The following DPP6 variants were observed in gnomAD, a reference collection of about 807,000 sequenced individuals.
The protein encoded by DPP6 is A-type potassium channel modulatory protein DPP6.
In DPP6, 69 loss-of-function variants were observed where a neutral mutation model predicts 122.6. The ratio of observed to expected loss-of-function variants is 0.56; its 90% CI spans 0.46 to 0.69. The LOEUF (loss-of-function observed/expected upper bound fraction) is 0.69, where lower values mean the gene tolerates loss of function less well. Ranked by LOEUF, DPP6 falls within the 30% of genes least tolerant of loss-of-function variation. The pLI is 0.00. For synonymous variants in DPP6, 418 were observed against 433.1 expected (o/e 0.97, Z 0.43); for missense variants, 928 against 1,116.9 (o/e 0.83, Z 2.41).
chr7:154,382,750 A>C (rs1813739257), intron 1 of DPP6, among the ~76,000 whole-genome samples: 1 of 151,938 alleles, frequency 6.6e-6, no homozygotes, highest in South Asian at 2.1e-4. Context: ...TTTGTTTTTG[A>C]GACAGAGTTT....
At chr7:154,007,550 G>A (rs1021240763) in intron 1 of DPP6, among the ~76,000 whole-genome samples, 2 of 152,110 alleles carry the variant, frequency 1.3e-5, no homozygotes, top group Non-Finnish European at 2.9e-5. Context: ...AGAGAAAATT[G>A]GACAGATATT....
intron 1 of DPP6, among the ~76,000 whole-genome samples, chr7:154,416,961 A>T (rs1817077886): frequency 6.6e-6 from 1 of 152,124 alleles, no homozygotes; most frequent in South Asian, 2.1e-4. Flanking sequence ...CCGTGAAATC[A>T]TGTTTACAGT....
chr7:154,057,980 G>A (rs965197130), intron 1 of DPP6: 3 of 150,688 alleles, frequency 2.0e-5, no homozygotes, highest in African/African-American at 7.5e-5. Flanking sequence ...AAGCAAATAA[G>A]CTGATTCTTG....
the DPP6 span, among the ~76,000 whole-genome samples, chr7:153,837,269 G>A: frequency 6.7e-6 from 1 of 149,764 alleles, no homozygotes; most frequent in Non-Finnish European, 1.5e-5. Context: ...GTTTTTTTTT[G>A]TTTTTAATCC....
At chr7:154,532,198 C>T (rs555317468) in intron 3 of DPP6, among the ~76,000 whole-genome samples, 2 of 152,114 alleles carry the variant, frequency 1.3e-5, no homozygotes, top group East Asian at 1.9e-4. Context: ...ATAAGATGGT[C>T]AGATAAACTT....
chr7:154,880,790 A>C, intron 20 of DPP6, 98 bp from the exon 21 acceptor site: 2 of 1,602,332 alleles, frequency 1.2e-6, no homozygotes, highest in South Asian at 1.1e-5. Context: ...AGGGGTTTTC[A>C]TCCTTGAAAT....
At chr7:154,535,635 TCAGA>T (rs1262349786) in intron 3 of DPP6, among the ~76,000 whole-genome samples, 1 of 150,516 alleles carries the variant, frequency 6.6e-6, no homozygotes, top group African/African-American at 2.5e-5. Flanking sequence ...AAAATACATC[TCAGA>T]CAAAGACTCA....
At chr7:153,881,106 C>A in the DPP6 span, among the ~76,000 whole-genome samples, 1 of 152,156 alleles carries the variant, frequency 6.6e-6, no homozygotes, top group Non-Finnish European at 1.5e-5. Context: ...GCATAAATAT[C>A]CTCTCATTTA....
intron 3 of DPP6, among the ~76,000 whole-genome samples, chr7:154,536,292 G>A (rs1405452957): frequency 6.6e-6 from 1 of 152,128 alleles, no homozygotes; most frequent in East Asian, 1.9e-4. Context: ...TCTATTGATG[G>A]AATAGATGAT....
At chr7:154,390,723 G>A (rs767802678) in intron 1 of DPP6, among the ~76,000 whole-genome samples, 3 of 152,036 alleles carry the variant, frequency 2.0e-5, no homozygotes, top group Non-Finnish European at 4.4e-5. Flanking sequence ...CATCGCCGCC[G>A]TCTTCTCTGG....
intron 16 of DPP6, among the ~76,000 whole-genome samples, chr7:154,840,956 T>A (rs1437830154): frequency 6.6e-6 from 1 of 152,218 alleles, no homozygotes; most frequent in Non-Finnish European, 1.5e-5. Flanking sequence ...AACGAGTCAA[T>A]GTACGTTTTC....
rs551322593 is a variant in DPP6, at chr7:154,802,021, G to T, written c.1407+559G>T. ...AATATACGTGAATCTAGGATCAAAA[G>T]TAGACATCTCGGGGTCACCATCTCC... On this transcript the variant is annotated intron_variant, in intron 13 of 25. Transcript: ENST00000377770. Among the ~76,000 whole-genome samples the T allele has an allele frequency of 8.2e-4, 125 of 152,196 alleles. 1 individual carries two copies. Among genetic ancestry groups the T allele is most frequent in the African/African-American group, 2.9e-3 (120 of 41,520 alleles).
At chr7:154,828,523 A>G (rs1325349159) in intron 16 of DPP6, among the ~76,000 whole-genome samples, 1 of 152,230 alleles carries the variant, frequency 6.6e-6, no homozygotes, top group African/African-American at 2.4e-5. Context: ...ATGAGAAGCC[A>G]GATAGAAAAG....
chr7:154,040,805 G>A (rs1429339958), intron 1 of DPP6, among the ~76,000 whole-genome samples: 1 of 151,734 alleles, frequency 6.6e-6, no homozygotes, highest in Non-Finnish European at 1.5e-5. Context: ...TGTTCTGAAT[G>A]CACACTTAGC....
chr7:154,164,398 C>T (rs1243749954), intron 1 of DPP6, among the ~76,000 whole-genome samples: 3 of 152,136 alleles, frequency 2.0e-5, no homozygotes. Context: ...CTATTTAAAA[C>T]ATTGTCGTTG....
chr7:154,409,808 A>G (rs1816443044), intron 1 of DPP6, among the ~76,000 whole-genome samples: 1 of 152,310 alleles, frequency 6.6e-6, no homozygotes, highest in African/African-American at 2.4e-5. Flanking sequence ...GACCTGTGGC[A>G]CCACTTTCAA....
the DPP6 span, among the ~76,000 whole-genome samples, chr7:153,799,008 G>T: frequency 7.2e-5 from 11 of 152,176 alleles, no homozygotes; most frequent in African/African-American, 2.2e-4. Context: ...ATGGGGAGTG[G>T]CTATAAATAC....
intron 7 of DPP6, among the ~76,000 whole-genome samples, chr7:154,701,181 C>T (rs543571575): frequency 5.9e-5 from 9 of 152,196 alleles, no homozygotes; most frequent in African/African-American, 1.2e-4. Flanking sequence ...ACTCTAGAGT[C>T]GAGGAACCAG....
chr7:154,279,282 G>A (rs1220590465), intron 1 of DPP6, among the ~76,000 whole-genome samples: 1 of 152,192 alleles, frequency 6.6e-6, no homozygotes, highest in Admixed American at 6.5e-5. Context: ...GTTTGTGTGT[G>A]TATGAAGAAC....
Sources: gnomAD v4.1 joint callset for allele counts (sites outside exome capture counted in the v4.1 genomes callset) on GRCh38, gnomAD v4.1.1 for gene constraint, MANE v1.5 for transcripts, NCBI Gene and HGNC (gene_info 2026-07-23, HGNC 2026-07-21) for gene names.